Variants in DCUN1D5 observed in about 807,000 individuals in gnomAD.
The protein encoded by DCUN1D5 is defective in cullin neddylation 1 domain containing 5, also known as DCN1-like protein 5.
DCUN1D5 carries 10 observed loss-of-function variants against 38.3 expected under a neutral mutation model. The ratio of observed to expected loss-of-function variants is 0.26; its 90% CI spans 0.16 to 0.44. The LOEUF (loss-of-function observed/expected upper bound fraction) is 0.44, where lower values mean the gene tolerates loss of function less well. Among genes scored for constraint, DCUN1D5 ranks in the 20% least tolerant of loss-of-function variants. The pLI is 1.00. For synonymous variants in DCUN1D5, 93 were observed against 90.9 expected, an observed-to-expected ratio of 1.02 and a Z score of -0.13; for missense variants, 148 against 275.3, an observed-to-expected ratio of 0.54 and a Z score of 3.27.
intron 4 of DCUN1D5, among the ~76,000 whole-genome samples, chr11:103,068,057 A>C (rs896608010): frequency 1.3e-5 from 2 of 152,110 alleles, no homozygotes; most frequent in African/African-American, 4.8e-5. Flanking sequence ...TTCTTTTTGA[A>C]TGTTTTGGTC....
chr11:103,089,707 A>C lies in DCUN1D5; in HGVS notation c.87-389T>G, dbSNP rs116827665. ...TAAATATTTGAAAACAAACTCTTAC[A>C]AAGTATATTTTGATACTTAATGAAT... is the stretch of plus-strand genomic sequence containing the variant. On this transcript the variant is annotated intron_variant, in intron 1 of 7. Coordinates refer to ENST00000260247, the MANE Select transcript of DCUN1D5 (RefSeq NM_032299.4). Among the ~76,000 whole-genome samples, 1,069 of 152,280 alleles carry C rather than the reference A, an allele frequency of 7.0e-3. 8 individuals are homozygous for C. The highest frequency in any genetic ancestry group is 0.024 in the African/African-American group (1,009 of 41,562).
In DCUN1D5 at chr11:103,077,691, T is replaced by C. The variant is rs1862445741; in HGVS notation, c.341+5057A>G. ...GAAAGTTTCATGCATGTATTAGATGTAAGTGAGGCTCTCTTCCTAATCCAT... is the reference window on the plus strand; with the variant it reads ...GAAAGTTTCATGCATGTATTAGATGCAAGTGAGGCTCTCTTCCTAATCCAT... On this transcript the variant is annotated intron_variant, in intron 4 of 7. Transcript: ENST00000260247. The surrounding 1 kb of genome is among the most constrained non-coding windows in gnomAD (Gnocchi z 4.3). Among the ~76,000 whole-genome samples the C allele has an allele frequency of 1.3e-5, 2 of 152,220 alleles. No homozygotes were observed. Among genetic ancestry groups the C allele is most frequent in the South Asian group, 2.1e-4 (1 of 4,832 alleles).
chr11:103,089,095 T>C, intron 2 of DCUN1D5, 132 bp downstream of exon 2: 1 of 736,998 alleles, frequency 1.4e-6, no homozygotes, highest in Non-Finnish European at 2.0e-6. Flanking sequence ...CCCACAATCT[T>C]CAGTCCTGAC....
At chr11:103,067,768 T>C (rs553210888) in intron 4 of DCUN1D5, among the ~76,000 whole-genome samples, 3 of 152,354 alleles carry the variant, frequency 2.0e-5, no homozygotes, top group Admixed American at 6.5e-5. Context: ...ATCTGTTTTA[T>C]ACATTGCTGG....
At chr11:103,076,817 C>T (rs1051160964) in intron 4 of DCUN1D5, among the ~76,000 whole-genome samples, 4 of 152,168 alleles carry the variant, frequency 2.6e-5, no homozygotes, top group South Asian at 2.1e-4. Flanking sequence ...ACCTACACTA[C>T]ACACCTTGGT....
In DCUN1D5 at chr11:103,053,610, T is replaced by A. The variant is rs539128486; in HGVS notation, c.*8749A>T. 1 of 152,062 alleles carries A rather than the reference T, an allele frequency of 6.6e-6. No individual in the cohort carries two copies. The highest frequency in any genetic ancestry group is 2.4e-5 in the African/African-American group (1 of 41,516). 9.4% of individuals were successfully genotyped at this position (152,062 alleles called of 1,614,324 possible). On this transcript the variant is annotated 3_prime_UTR_variant, in exon 8 of 8. Transcript: ENST00000260247. The surrounding 1 kb of genome is among the most constrained non-coding windows in gnomAD (Gnocchi z 4.8). ...CTATCACATGTACCCCCCAAATAAA[T>A]ACATTATGTATCAATGAATTTTAAT...
In DCUN1D5 at chr11:103,062,253, T is replaced by C. The variant is rs776977726; in HGVS notation, c.*106A>G. The C allele has an allele frequency of 6.2e-6, 7 of 1,120,078 alleles. No homozygotes were observed. The South Asian group carries it at 9.3e-5, about 15-fold the overall frequency. The allele number at this position is 1,120,078 out of a possible 1,614,324, so 69.4% of individuals were successfully genotyped here. A position where few individuals can be genotyped will look rare whatever the true frequency, so the allele number is the denominator to read the frequency against. On this transcript the variant is annotated 3_prime_UTR_variant, in exon 8 of 8. Coordinates refer to ENST00000260247, the MANE Select transcript of DCUN1D5 (RefSeq NM_032299.4). The surrounding 1 kb of genome is among the most constrained non-coding windows in gnomAD (Gnocchi z 4.6). ...GGAAAAAAAAGTACTATGAGAAGTC[T>C]TTCATATGAATGAAAATGCACCCGT...
Position 103,059,400 on chromosome 11 carries a change from A to C in DCUN1D5, c.*2959T>G, listed in dbSNP as rs1861955158. Among the ~76,000 whole-genome samples, 1 of 152,082 alleles carries C rather than the reference A, an allele frequency of 6.6e-6. No individual in the cohort carries two copies. The highest frequency in any genetic ancestry group is 1.5e-5 in the Non-Finnish European group (1 of 68,016). On this transcript the variant is annotated 3_prime_UTR_variant, in exon 8 of 8. Coordinates refer to ENST00000260247, the MANE Select transcript of DCUN1D5 (RefSeq NM_032299.4). The stretch of plus-strand genomic sequence containing the variant: ...TAAGATATAATTTTTGGTTTGCTAG[A>C]TGAAAAGGCATTTGTATTTAAGAGA...
rs1016274237 is a variant in DCUN1D5, at chr11:103,062,222, A to T, written c.*137T>A. 1.2e-6 allele frequency: 1 copy of T among 814,218 alleles called. No individual in the cohort carries two copies. The highest frequency in any genetic ancestry group is 1.7e-5 in the African/African-American group (1 of 57,478). 50.4% of individuals were successfully genotyped at this position (814,218 alleles called of 1,614,324 possible). On this transcript the variant is annotated 3_prime_UTR_variant, in exon 8 of 8. Transcript: ENST00000260247. This position sits in a 1 kb window ranked among gnomAD's most constrained non-coding sequence, Gnocchi z 4.6. ...CATGTAACAAGAAAAACCTCCTTTA[A>T]AAAAAGGAAAAAAAAGTACTATGAG...
chr11:103,079,132 G>A (rs1342965321), intron 4 of DCUN1D5, among the ~76,000 whole-genome samples: 2 of 152,266 alleles, frequency 1.3e-5, no homozygotes, highest in South Asian at 2.1e-4. Context: ...TGAACTGTGC[G>A]TGCGAGGGAT....
Position 103,056,479 on chromosome 11 carries a change from A to T in DCUN1D5, c.*5880T>A, listed in dbSNP as rs759674976. Among the ~76,000 whole-genome samples, 1 of 152,086 alleles carries T rather than the reference A, an allele frequency of 6.6e-6. No homozygotes were observed. The highest frequency in any genetic ancestry group is 1.5e-5 in the Non-Finnish European group (1 of 68,016). ...TCCTCAGGCCTCTGCTCAATGTCAC[A>T]TATCAGTGTACATGCTACTTAATAG... On this transcript the variant is annotated 3_prime_UTR_variant, in exon 8 of 8. Transcript: ENST00000260247. This position sits in a 1 kb window ranked among gnomAD's most constrained non-coding sequence, Gnocchi z 4.9.
rs1862085571 is a variant in DCUN1D5, at chr11:103,064,428, T to G, written c.556-51A>C. ...ATTTAAATATTTAAACAAACATCAT[T>G]TACTCAATTTAGTAAACTAAGTTTT... On this transcript the variant is annotated intron_variant, in intron 6 of 7. Transcript: ENST00000260247. The surrounding 1 kb of genome is among the most constrained non-coding windows in gnomAD (Gnocchi z 4.5). The G allele has an allele frequency of 7.3e-7, 1 of 1,374,888 alleles. No homozygotes were observed. Among genetic ancestry groups the G allele is most frequent in the African/African-American group, 1.5e-5 (1 of 67,986 alleles). 85.2% of individuals were successfully genotyped at this position (1,374,888 alleles called of 1,614,324 possible).
At chr11:103,074,502 TTCAAGCGA>T (rs1862360215) in intron 4 of DCUN1D5, among the ~76,000 whole-genome samples, 1 of 152,154 alleles carries the variant, frequency 6.6e-6, no homozygotes, top group Non-Finnish European at 1.5e-5. Context: ...ACCTCCCCGG[TTCAAGCGA>T]TTCTCCTGCC....
chr11:103,064,373 G>T lies in DCUN1D5; in HGVS notation c.560C>A (p.Ser187Ter). ...FSVFYQYLEQSKYRVMNKDQW... is the reference protein window; with the variant it reads ...FSVFYQYLEQ ...ATCTTTGTTCATAACACGATACTTT[G>T]ATTGCTGCAAAAATGATTTAAATAT... Residue 187 changes from serine to a stop codon, truncating the protein, a stop_gained, in exon 7 of 8, where the codon TCA becomes TAA. Coordinates refer to ENST00000260247, the MANE Select transcript of DCUN1D5 (RefSeq NM_032299.4). LOFTEE classifies it high-confidence loss of function. This position sits in a 1 kb window ranked among gnomAD's most constrained non-coding sequence, Gnocchi z 4.5. 1 of 1,585,402 alleles carries T rather than the reference G, an allele frequency of 6.3e-7. No homozygotes were observed.
rs1335688498 is a variant in DCUN1D5 at position 103,077,430 on chromosome 11, T to G, written c.341+5318A>C. 6.6e-6 allele frequency among the ~76,000 whole-genome samples: 1 copy of G among 152,230 alleles called. No homozygotes were observed. Among genetic ancestry groups the G allele is most frequent in the Non-Finnish European group, 1.5e-5 (1 of 68,040 alleles). On this transcript the variant is annotated intron_variant, in intron 4 of 7. Transcript: ENST00000260247. This position sits in a 1 kb window ranked among gnomAD's most constrained non-coding sequence, Gnocchi z 4.3. ...AGAAATGCATACTTAACTAGCGTAC[T>G]ATGGAAAGCAAGAGATAGTTTTCCA...
At position 103,050,805 on chromosome 11, in the gene DCUN1D5, C is replaced by T. The variant is rs945199395; in HGVS notation, c.*11554G>A. 1 of 152,170 alleles carries T rather than the reference C, an allele frequency of 6.6e-6. No homozygotes were observed. Among genetic ancestry groups the T allele is most frequent in the African/African-American group, 2.4e-5 (1 of 41,424 alleles). The allele number at this position is 152,170 out of a possible 1,614,324, so 9.4% of individuals were successfully genotyped here. On this transcript the variant is annotated 3_prime_UTR_variant, in exon 8 of 8. Transcript: ENST00000260247. ...TGAAATAAAAGCAAAAACACACAGT[C>T]CCTGCTCTCAAGGAGCTCACAGTTA...
chr11:103,085,561 A>T (rs1463594704), intron 2 of DCUN1D5, among the ~76,000 whole-genome samples: 1 of 152,216 alleles, frequency 6.6e-6, no homozygotes, highest in African/African-American at 2.4e-5. Context: ...GAGATATAAT[A>T]CCTTATAACT....
intron 4 of DCUN1D5, among the ~76,000 whole-genome samples, chr11:103,069,576 C>T (rs989090811): frequency 6.6e-6 from 1 of 152,128 alleles, no homozygotes; most frequent in South Asian, 2.1e-4. Flanking sequence ...GCAGCCAATC[C>T]TCTTCTGCCC....
At position 103,082,786 on chromosome 11, in the gene DCUN1D5, A is replaced by G; in HGVS notation, c.303T>C (p.Phe101=). 1 of 1,613,062 alleles carries G rather than the reference A, an allele frequency of 6.2e-7. No individual in the cohort carries two copies. The highest frequency in any genetic ancestry group is 8.5e-7 in the Non-Finnish European group (1 of 1,179,276). The change falls in exon 4 of 8, where the codon TTT becomes TTC. Residue 101 remains phenylalanine, a synonymous_variant. Transcript: ENST00000260247. ...WKLEAESMGF[F]TKEEWLKGMT... is the part of the protein sequence containing the mutation. ...TTCCCTTTAACCATTCTTCCTTGGTAAAAAATCCCATGCTTTCAGCCTCCA... is the reference window on the plus strand; with the variant it reads ...TTCCCTTTAACCATTCTTCCTTGGTGAAAAATCCCATGCTTTCAGCCTCCA...
Sources: gnomAD v4.1 joint callset for allele counts (sites outside exome capture counted in the v4.1 genomes callset) on GRCh38, gnomAD v4.1.1 for gene constraint, Gnocchi (gnomAD v3.1) non-coding constraint, MANE v1.5 for transcripts, NCBI Gene and HGNC (gene_info 2026-07-23, HGNC 2026-07-21) for gene names.